Variants in RPTOR observed in about 807,000 individuals in gnomAD.
RPTOR encodes the protein regulatory associated protein of MTOR complex 1.
RPTOR carries 21 observed loss-of-function variants against 169.9 expected under a neutral mutation model. That is an observed-to-expected ratio of 0.12 (90% CI 0.09 to 0.18). The LOEUF is 0.18. RPTOR is among the 10% of genes least tolerant of loss of function. The pLI is 1.00. For missense variants in RPTOR, 1,133 were observed against 1,855.9 expected, an observed-to-expected ratio of 0.61 and a Z score of 7.16; for synonymous variants, 732 against 753.2, an observed-to-expected ratio of 0.97 and a Z score of 0.46.
In RPTOR at chr17:80,733,129, T is replaced by C. The variant is rs1321792882; in HGVS notation, c.654+2423T>C. ...CAGTGCTTGTCCTGGGACCAGGAGG[T>C]TTATTTATTGTTTACTTCTCTCTCA... is the stretch of plus-strand genomic sequence containing the variant. On this transcript the variant is annotated intron_variant, in intron 5 of 33. Coordinates refer to ENST00000306801, the MANE Select transcript of RPTOR (RefSeq NM_020761.3). 1.3e-5 allele frequency among the ~76,000 whole-genome samples: 2 copies of C among 152,134 alleles called. 1 individual carries two copies. The highest frequency in any genetic ancestry group is 2.9e-5 in the Non-Finnish European group (2 of 68,024).
At chr17:80,933,624 T>A (rs2068923280) in intron 24 of RPTOR, among the ~76,000 whole-genome samples, 1 of 152,190 alleles carries the variant, frequency 6.6e-6, no homozygotes, top group African/African-American at 2.4e-5. Context: ...AAAATTTGTA[T>A]GGCAATATAA....
At chr17:80,626,842 T>C (rs1012846634) in intron 2 of RPTOR, among the ~76,000 whole-genome samples, 4 of 150,822 alleles carry the variant, frequency 2.7e-5, no homozygotes, top group Admixed American at 1.3e-4. Context: ...AAGTGTACAA[T>C]TGAACGACAT....
At chr17:80,700,557 T>C (rs2066081050) in intron 3 of RPTOR, among the ~76,000 whole-genome samples, 1 of 147,474 alleles carries the variant, frequency 6.8e-6, no homozygotes, top group Non-Finnish European at 1.5e-5. Flanking sequence ...GTGGTGGTGA[T>C]GGTAGAGATG....
At chr17:80,917,746 A>G (rs1039888648) in intron 21 of RPTOR, among the ~76,000 whole-genome samples, 2 of 152,090 alleles carry the variant, frequency 1.3e-5, no homozygotes, top group African/African-American at 4.8e-5. Context: ...CTCTGTTGCC[A>G]CCGTGATCCC....
At chr17:80,605,592 G>A (rs533746238) in intron 1 of RPTOR, among the ~76,000 whole-genome samples, 1 of 152,298 alleles carries the variant, frequency 6.6e-6, no homozygotes, top group South Asian at 2.1e-4. Flanking sequence ...CATACCGGCT[G>A]CAAAACAGAG....
At chr17:80,557,037 A>C (rs544908326) in intron 1 of RPTOR, among the ~76,000 whole-genome samples, 8 of 152,220 alleles carry the variant, frequency 5.3e-5, no homozygotes, top group Non-Finnish European at 8.8e-5. Flanking sequence ...TGGAGGTTGC[A>C]GTGAGCCAAG....
chr17:80,804,652 G>A (rs1197036324), intron 7 of RPTOR: 2 of 152,288 alleles, frequency 1.3e-5, no homozygotes, highest in Non-Finnish European at 2.9e-5. Context: ...GAGTCTCAGA[G>A]AGGTTAACTC....
rs776772710 is a variant in RPTOR, at chr17:80,730,619, G to T, written c.567G>T (p.Pro189=). The T allele has an allele frequency of 2.3e-5, 37 of 1,614,006 alleles. No individual in the cohort carries two copies. Among genetic ancestry groups the T allele is most frequent in the Non-Finnish European group, 3.1e-5 (36 of 1,180,036 alleles). ...ACCTGCAGACGTGGATGGGCAGCCC[G>T]TCGATCTTCGTCTACGACTGCTCCA... ...IYDLQTWMGS[P]SIFVYDCSNA... is the part of the protein sequence containing the mutation. The change falls in exon 5 of 34, where the codon CCG becomes CCT. Residue 189 remains proline (P), a synonymous_variant. Coordinates refer to ENST00000306801, the MANE Select transcript of RPTOR (RefSeq NM_020761.3). This position sits in a 1 kb window ranked among gnomAD's most constrained non-coding sequence, Gnocchi z 4.2.
chr17:80,553,226 G>T (rs1180412217), intron 1 of RPTOR, among the ~76,000 whole-genome samples: 1 of 152,210 alleles, frequency 6.6e-6, no homozygotes, highest in South Asian at 2.1e-4. Context: ...TTTTCAGACT[G>T]TGTGTGCTGC....
Position 80,823,371 on chromosome 17 carries a change from C to CGA in RPTOR, c.1136+148_1136+149insGA. On this transcript the variant is annotated intron_variant, in intron 9 of 33. Coordinates refer to ENST00000306801, the MANE Select transcript of RPTOR (RefSeq NM_020761.3). The surrounding 1 kb of genome is among the most constrained non-coding windows in gnomAD (Gnocchi z 4.5). Reference sequence around the variant, plus strand: ...TTAACAAGTGAAGCTAAATGCAGGGCTCCCAGAGATCTCCACACAGAGGAG... The same window carrying CGA: ...TTAACAAGTGAAGCTAAATGCAGGGCGATCCCAGAGATCTCCACACAGAGGAG... 1.4e-5 allele frequency: 13 copies of CGA among 903,060 alleles called. No homozygotes were observed. Among genetic ancestry groups the CGA allele is most frequent in the Non-Finnish European group, 1.6e-5 (10 of 642,036 alleles). The allele number at this position is 903,060 out of a possible 1,614,324, so 55.9% of individuals were successfully genotyped here.
intron 11 of RPTOR, among the ~76,000 whole-genome samples, chr17:80,855,044 C>G (rs59281897): frequency 0.11 from 16,623 of 152,224 alleles, 3,022 homozygotes; most frequent in African/African-American, 0.38. Flanking sequence ...TACATACCTA[C>G]TGATATGAAC....
intron 24 of RPTOR, among the ~76,000 whole-genome samples, chr17:80,937,042 G>GT (rs1291835933): frequency 6.6e-6 from 1 of 152,208 alleles, no homozygotes; most frequent in Admixed American, 6.5e-5. Flanking sequence ...TTATTGTTCA[G>GT]TGGGGAGGGG....
At chr17:80,743,895 C>T (rs1378629899) in intron 5 of RPTOR, among the ~76,000 whole-genome samples, 1 of 94,852 alleles carries the variant, frequency 1.1e-5, no homozygotes, top group African/African-American at 4.9e-5. Flanking sequence ...TAGCACTGTC[C>T]TGGTTACGAG....
rs771313740 is a variant in RPTOR at position 80,964,575 on chromosome 17, G to C, written c.*245G>C. Reference sequence around the variant, plus strand: ...CTTCCCACTGAGCACCAGCATCCAGGTGCACCCCCGCGGCCACGGCGCCTC... The same window carrying C: ...CTTCCCACTGAGCACCAGCATCCAGCTGCACCCCCGCGGCCACGGCGCCTC... On this transcript the variant is annotated 3_prime_UTR_variant, in exon 34 of 34. Coordinates refer to ENST00000306801, the MANE Select transcript of RPTOR (RefSeq NM_020761.3). 1.9e-4 allele frequency: 107 copies of C among 568,864 alleles called. No homozygotes were observed. Among genetic ancestry groups the C allele is most frequent in the Non-Finnish European group, 3.2e-4 (100 of 316,790 alleles). The allele number at this position is 568,864 out of a possible 1,614,324, so 35.2% of individuals were successfully genotyped here.
At chr17:80,737,635 A>G (rs1047646252) in intron 5 of RPTOR, among the ~76,000 whole-genome samples, 7 of 152,130 alleles carry the variant, frequency 4.6e-5, no homozygotes, top group African/African-American at 1.4e-4. Context: ...CTCTTTTTTA[A>G]CAAAAGTTGG....
chr17:80,883,665 T>C, intron 15 of RPTOR, 116 bp from the exon 16 acceptor site: 3 of 1,293,858 alleles, frequency 2.3e-6, no homozygotes, highest in Non-Finnish European at 3.3e-6. Context: ...ATGGGGAAAA[T>C]TGAGCAAATC....
intron 1 of RPTOR, among the ~76,000 whole-genome samples, chr17:80,606,569 T>C (rs1184410282): frequency 6.6e-6 from 1 of 152,194 alleles, no homozygotes; most frequent in Non-Finnish European, 1.5e-5. Context: ...CTACCTTTTC[T>C]TGATTGAAGC....
At chr17:80,871,179 C>CA (rs1313199536) in intron 13 of RPTOR, among the ~76,000 whole-genome samples, 1 of 151,400 alleles carries the variant, frequency 6.6e-6, no homozygotes, top group Non-Finnish European at 1.5e-5. Flanking sequence ...GATCTCGGCT[C>CA]ACTGCAACCT....
At chr17:80,871,809 C>T (rs2068055345) in intron 13 of RPTOR, among the ~76,000 whole-genome samples, 1 of 151,818 alleles carries the variant, frequency 6.6e-6, no homozygotes, top group Admixed American at 6.6e-5. Flanking sequence ...TTTAGTATTC[C>T]TTCTTTCAGT....
Sources: allele counts gnomAD v4.1 joint callset (sites outside exome capture counted in the v4.1 genomes callset), GRCh38; gene constraint gnomAD v4.1.1; non-coding constraint Gnocchi (gnomAD v3.1); transcripts MANE v1.5; gene names NCBI Gene and HGNC (gene_info 2026-07-23, HGNC 2026-07-21).